CSMD1: variants seen among roughly 807,000 people sequenced by gnomAD.
CSMD1 encodes CUB and sushi domain-containing protein 1.
A neutral mutation model predicts 417.5 loss-of-function variants in CSMD1; 213 were observed. The observed-to-expected ratio is 0.51, with a 90% confidence interval of 0.46 to 0.57. The LOEUF is 0.57. Ranked by LOEUF, CSMD1 falls within the 20% of genes least tolerant of loss-of-function variation. The pLI, the probability that CSMD1 is intolerant of heterozygous loss-of-function variation, is 0.00. For missense variants in CSMD1, 6,923 were observed against 4,529.7 expected (o/e 1.53, Z -15.17); for synonymous variants, 2,862 against 1,736.8 (o/e 1.65, Z -16.11).
At chr8:3,540,846 G>C (rs1039064927) in intron 10 of CSMD1, among the ~76,000 whole-genome samples, 3 of 152,164 alleles carry the variant, frequency 2.0e-5, no homozygotes, top group South Asian at 4.1e-4. Flanking sequence ...TTTCATGCCA[G>C]TCAGATCACA....
At chr8:4,066,914 G>C (rs952851868) in intron 3 of CSMD1, among the ~76,000 whole-genome samples, 5 of 152,220 alleles carry the variant, frequency 3.3e-5, no homozygotes, top group African/African-American at 7.2e-5. Context: ...TATGCTTTAA[G>C]TAAAGTGACA....
intron 1 of CSMD1, among the ~76,000 whole-genome samples, chr8:4,688,822 G>A (rs1806573333): frequency 6.6e-6 from 1 of 152,194 alleles, no homozygotes; most frequent in South Asian, 2.1e-4. Flanking sequence ...AACATCGCAA[G>A]TGGTCTGATG....
At chr8:4,084,445 T>A (rs1048129846) in intron 3 of CSMD1, among the ~76,000 whole-genome samples, 10 of 152,318 alleles carry the variant, frequency 6.6e-5, no homozygotes, top group Admixed American at 5.2e-4. Flanking sequence ...ACCCTTTACA[T>A]GATTTTGTTG....
chr8:4,134,851 G>C (rs760162599), intron 3 of CSMD1, among the ~76,000 whole-genome samples: 3 of 152,136 alleles, frequency 2.0e-5, no homozygotes, highest in Admixed American at 6.5e-5. Context: ...TCGTTTGATA[G>C]CTTCCAATTG....
intron 22 of CSMD1, among the ~76,000 whole-genome samples, chr8:3,344,918 G>A (rs932202072): frequency 6.6e-6 from 1 of 152,130 alleles, no homozygotes; most frequent in East Asian, 1.9e-4. Context: ...ATTGACCCAG[G>A]TCATTGTGTA....
At chr8:3,078,567 C>A (rs960830328) in intron 49 of CSMD1, among the ~76,000 whole-genome samples, 3 of 152,124 alleles carry the variant, frequency 2.0e-5, no homozygotes, top group Non-Finnish European at 2.9e-5. Context: ...GCCTGTGGGT[C>A]GAAACCAGCC....
At chr8:3,301,273 T>C (rs1233544212) in intron 25 of CSMD1, among the ~76,000 whole-genome samples, 3 of 151,832 alleles carry the variant, frequency 2.0e-5, no homozygotes, top group Non-Finnish European at 4.4e-5. Context: ...GGAAACCTGG[T>C]GAGTTAGGAG....
intron 5 of CSMD1, among the ~76,000 whole-genome samples, chr8:3,835,554 C>A (rs948164322): frequency 4.0e-5 from 6 of 151,894 alleles, no homozygotes; most frequent in Non-Finnish European, 8.8e-5. Context: ...AACATCGCAC[C>A]TCAGGGACTG....
intron 3 of CSMD1, among the ~76,000 whole-genome samples, chr8:4,086,826 G>C (rs1376350692): frequency 3.9e-5 from 6 of 152,264 alleles, no homozygotes; most frequent in Non-Finnish European, 5.9e-5. Context: ...TGAAAACTTT[G>C]CATGCATCCT....
At chr8:3,285,114 T>A (rs1803048231) in intron 25 of CSMD1, among the ~76,000 whole-genome samples, 1 of 152,098 alleles carries the variant, frequency 6.6e-6, no homozygotes, top group South Asian at 2.1e-4. Context: ...CCTGAATGGG[T>A]CTGATTTACA....
At chr8:4,292,044 G>T (rs562649536) in intron 3 of CSMD1, among the ~76,000 whole-genome samples, 10 of 152,188 alleles carry the variant, frequency 6.6e-5, no homozygotes, top group Non-Finnish European at 1.3e-4. Flanking sequence ...TTTAATAATG[G>T]AGGTTTGGAC....
At chr8:3,838,890 A>C (rs1802901719) in intron 5 of CSMD1, among the ~76,000 whole-genome samples, 1 of 98,742 alleles carries the variant, frequency 1.0e-5, no homozygotes, top group Admixed American at 1.1e-4. Context: ...TAATTATAAT[A>C]TATAATAATA....
chr8:3,411,118 A>G (rs1812673005), intron 12 of CSMD1, among the ~76,000 whole-genome samples: 1 of 152,132 alleles, frequency 6.6e-6, no homozygotes, highest in Non-Finnish European at 1.5e-5. Flanking sequence ...GGCACTGCAG[A>G]GCTTTGGAGG....
At chr8:4,754,721 C>T (rs887395062) in intron 1 of CSMD1, among the ~76,000 whole-genome samples, 3 of 151,768 alleles carry the variant, frequency 2.0e-5, no homozygotes, top group South Asian at 2.1e-4. Context: ...TGGTGGTGGG[C>T]GCCTGTAGTC....
At chr8:3,839,366 ACTCT>A (rs542694151) in intron 5 of CSMD1, among the ~76,000 whole-genome samples, 15 of 118,196 alleles carry the variant, frequency 1.3e-4, no homozygotes, top group East Asian at 2.3e-4. Context: ...ATTAATATAT[ACTCT>A]CTCTAGATAT....
At chr8:3,349,903 T>TA (rs1808289104) in intron 21 of CSMD1, among the ~76,000 whole-genome samples, 1 of 91,916 alleles carries the variant, frequency 1.1e-5, no homozygotes, top group South Asian at 3.4e-4. Flanking sequence ...ATAATATATA[T>TA]TTATATATAT....
intron 4 of CSMD1, among the ~76,000 whole-genome samples, chr8:4,017,369 G>C (rs547488922): frequency 1.0e-3 from 159 of 152,170 alleles, no homozygotes; most frequent in African/African-American, 2.9e-3. Context: ...GCAATGGTGC[G>C]ATCTTGGCTC....
At chr8:3,000,388 T>C (rs1340172343) in intron 52 of CSMD1, among the ~76,000 whole-genome samples, 2 of 151,982 alleles carry the variant, frequency 1.3e-5, no homozygotes, top group African/African-American at 2.4e-5. Flanking sequence ...TTCCCATCTA[T>C]CCATTTCACT....
chr8:3,324,431 AT>A (rs1806378927), intron 23 of CSMD1, among the ~76,000 whole-genome samples: 2 of 146,166 alleles, frequency 1.4e-5, no homozygotes, highest in African/African-American at 2.6e-5. Context: ...CCCACACCTA[AT>A]CCTCAGAGAC....
Sources: allele counts gnomAD v4.1 joint callset (sites outside exome capture counted in the v4.1 genomes callset), GRCh38; gene constraint gnomAD v4.1.1; transcripts MANE v1.5; gene names NCBI Gene and HGNC (gene_info 2026-07-23, HGNC 2026-07-21).